The following PIK3R3 variants were observed in gnomAD, a reference collection of about 807,000 sequenced individuals.
PIK3R3 encodes phosphatidylinositol 3-kinase regulatory subunit gamma.
In PIK3R3, 64 loss-of-function variants were observed where a neutral mutation model predicts 62.9. That is an observed-to-expected ratio of 1.02 (90% CI 0.83 to 1.25). The LOEUF (loss-of-function observed/expected upper bound fraction) is 1.25, where lower values mean the gene tolerates loss of function less well. PIK3R3 is among the 50% of genes most tolerant of loss of function. PIK3R3 has a pLI of 0.00. For missense variants in PIK3R3, 614 were observed against 561.6 expected, an observed-to-expected ratio of 1.09 and a Z score of -0.94; for synonymous variants, 165 against 189.0, an observed-to-expected ratio of 0.87 and a Z score of 1.04.
chr1:46,087,002 G>A (rs567174548), intron 1 of PIK3R3, among the ~76,000 whole-genome samples: 7 of 152,248 alleles, frequency 4.6e-5, no homozygotes, highest in East Asian at 3.9e-4. Flanking sequence ...CATTCTGAGC[G>A]AACTATCGCA....
Position 46,066,938 on chromosome 1 carries a change from C to G in PIK3R3, c.468G>C (p.Leu156=), listed in dbSNP as rs1313020286. ...GTTGGTATCTGGACACTGGGTACAT[C>G]AGCTTCACATCAAGTTTGGGATTGT... ...AQYNPKLDVK[L]MYPVSRYQQD... Residue 156 remains leucine (L), a synonymous_variant, in exon 4 of 10, where the codon CTG becomes CTC. Coordinates refer to ENST00000262741, the MANE Select transcript of PIK3R3 (RefSeq NM_003629.4). 1.9e-6 allele frequency: 3 copies of G among 1,613,720 alleles called. No individual in the cohort carries two copies. Among genetic ancestry groups the G allele is most frequent in the Non-Finnish European group, 2.5e-6 (3 of 1,179,800 alleles).
chr1:46,061,678 G>C (rs1451279008), intron 6 of PIK3R3, among the ~76,000 whole-genome samples: 1 of 152,158 alleles, frequency 6.6e-6, no homozygotes, highest in Non-Finnish European at 1.5e-5. Context: ...CGGAATCAGG[G>C]AACAGTTTCT....
In PIK3R3 at chr1:46,054,965, C is replaced by T. The variant is rs180757764; in HGVS notation, c.941+830G>A. Reference sequence around the variant, plus strand: ...TTGCCCAGGCTGGAGTGCAGTGGCACGATCTCGGCTCACTGCAACCTCTGC... The same window carrying T: ...TTGCCCAGGCTGGAGTGCAGTGGCATGATCTCGGCTCACTGCAACCTCTGC... On this transcript the variant is annotated intron_variant, in intron 7 of 9. Transcript: ENST00000262741. Among the ~76,000 whole-genome samples the T allele has an allele frequency of 6.8e-3, 1,022 of 149,514 alleles. 10 individuals carry two copies. The highest frequency in any genetic ancestry group is 0.024 in the African/African-American group (977 of 40,588).
Position 46,080,734 on chromosome 1 carries a change from T to C in PIK3R3, c.123A>G (p.Pro41=). 6.2e-7 allele frequency: 1 copy of C among 1,611,982 alleles called. No individual in the cohort carries two copies. The highest frequency in any genetic ancestry group is 1.1e-5 in the South Asian group (1 of 91,018). ...EMDPPALPPK[P]PKPMTSAVPN... ...GAACTGCTGAAGTCATTGGCTTAGGTGGCTTTGGTGGAAGAGCTAGAAGAG... is the reference window on the plus strand; with the variant it reads ...GAACTGCTGAAGTCATTGGCTTAGGCGGCTTTGGTGGAAGAGCTAGAAGAG... Residue 41 remains proline (P), a synonymous_variant, in exon 2 of 10, where the codon CCA becomes CCG. Transcript: ENST00000262741.
intron 1 of PIK3R3, among the ~76,000 whole-genome samples, chr1:46,094,573 T>A (rs1571475828): frequency 6.6e-6 from 1 of 152,062 alleles, no homozygotes; most frequent in South Asian, 2.1e-4. Flanking sequence ...AAACAAAATT[T>A]CCCCCCAGCA....
the PIK3R3 span, among the ~76,000 whole-genome samples, chr1:46,169,068 G>A: frequency 1.6e-3 from 245 of 152,226 alleles, 5 homozygotes; most frequent in South Asian, 0.045. Flanking sequence ...TTGCACTTAC[G>A]AATGGAACTC....
intron 1 of PIK3R3, among the ~76,000 whole-genome samples, chr1:46,104,546 G>A (rs1653003704): frequency 6.6e-6 from 1 of 152,030 alleles, no homozygotes; most frequent in Non-Finnish European, 1.5e-5. Flanking sequence ...CTACAAACGA[G>A]ACAGATTACA....
chr1:46,154,111 T>C, the PIK3R3 span, among the ~76,000 whole-genome samples: 1 of 152,148 alleles, frequency 6.6e-6, no homozygotes, highest in South Asian at 2.1e-4. Context: ...AAGCAGGTAG[T>C]TCAGGTTAGG....
chr1:46,085,306 T>C (rs1650959870), intron 1 of PIK3R3, among the ~76,000 whole-genome samples: 1 of 152,228 alleles, frequency 6.6e-6, no homozygotes, highest in Non-Finnish European at 1.5e-5. Flanking sequence ...ACACCTCCCA[T>C]GTTCCAGAAG....
upstream of PIK3R3, among the ~76,000 whole-genome samples, chr1:46,137,910 A>G (rs1353059164): frequency 6.6e-6 from 1 of 152,214 alleles, no homozygotes; most frequent in African/African-American, 2.4e-5. Context: ...GTTTATTTAA[A>G]CGGAGGAAAA....
At chr1:46,043,915 T>C (rs773645352) in intron 9 of PIK3R3, 44 bp from the exon 10 acceptor site, 50 of 1,517,080 alleles carry the variant, frequency 3.3e-5, no homozygotes, top group Non-Finnish European at 4.4e-5. Context: ...TAGGTAACAA[T>C]AGATAAAAGG....
chr1:46,123,666 G>A (rs533268733), intron 1 of PIK3R3, among the ~76,000 whole-genome samples: 45 of 152,286 alleles, frequency 3.0e-4, no homozygotes, highest in African/African-American at 1.0e-3. Flanking sequence ...AAGAACCTGG[G>A]CTTTAGTTAG....
At chr1:46,170,660 A>G in the PIK3R3 span, among the ~76,000 whole-genome samples, 1 of 152,178 alleles carries the variant, frequency 6.6e-6, no homozygotes. Flanking sequence ...ACCTCAGGTG[A>G]TCCACCAGCC....
intron 1 of PIK3R3, among the ~76,000 whole-genome samples, chr1:46,103,127 G>A (rs1652863234): frequency 6.6e-6 from 1 of 152,152 alleles, no homozygotes; most frequent in Non-Finnish European, 1.5e-5. Context: ...CAAAATCATA[G>A]AAACAAAGTA....
intron 5 of PIK3R3, among the ~76,000 whole-genome samples, chr1:46,063,261 TA>T (rs1341936295): frequency 1.3e-5 from 2 of 152,164 alleles, no homozygotes; most frequent in Non-Finnish European, 2.9e-5. Context: ...AATGTATACA[TA>T]AAATAACAAG....
At chr1:46,055,730 G>T in intron 7 of PIK3R3, 65 bp downstream of exon 7, 1 of 999,006 alleles carries the variant, frequency 1.0e-6, no homozygotes, top group Non-Finnish European at 1.5e-6. Flanking sequence ...CACCTCTAGT[G>T]TCTCTAGTGC....
In PIK3R3 at chr1:46,132,083, G is replaced by C; in HGVS notation, c.-131C>G. 1 of 1,440,796 alleles carries C rather than the reference G, an allele frequency of 6.9e-7. No homozygotes were observed. Among genetic ancestry groups the C allele is most frequent in the South Asian group, 1.4e-5 (1 of 69,686 alleles). The allele number at this position is 1,440,796 out of a possible 1,614,324, so 89.3% of individuals were successfully genotyped here. On this transcript the variant is annotated 5_prime_UTR_variant, in exon 1 of 10. Coordinates refer to ENST00000262741, the MANE Select transcript of PIK3R3 (RefSeq NM_003629.4). ...TGTACTTCGGGTTTTCCAACGGCCAGTACCAGTCCGGCCAAACTACCCGAA... is the reference window on the plus strand; with the variant it reads ...TGTACTTCGGGTTTTCCAACGGCCACTACCAGTCCGGCCAAACTACCCGAA...
chr1:46,120,268 T>C (rs1252681061), intron 1 of PIK3R3, among the ~76,000 whole-genome samples: 3 of 152,180 alleles, frequency 2.0e-5, no homozygotes, highest in East Asian at 3.8e-4. Context: ...TGTGACCCTA[T>C]GAAGTCCAAC....
intron 1 of PIK3R3, among the ~76,000 whole-genome samples, chr1:46,083,921 A>T (rs1042443695): frequency 6.6e-6 from 1 of 152,182 alleles, no homozygotes; most frequent in Non-Finnish European, 1.5e-5. Context: ...ACTCTTACAT[A>T]TACCCAAGAA....
Sources: allele counts gnomAD v4.1 joint callset (sites outside exome capture counted in the v4.1 genomes callset), GRCh38; gene constraint gnomAD v4.1.1; transcripts MANE v1.5; gene names NCBI Gene and HGNC (gene_info 2026-07-23, HGNC 2026-07-21).